FOXP2: variants seen among roughly 807,000 people sequenced by gnomAD.
The protein encoded by FOXP2 is forkhead box protein P2.
Under a neutral mutation model 115.8 loss-of-function variants are expected in FOXP2, and 12 were observed. That is an observed-to-expected ratio of 0.10 (90% CI 0.07 to 0.17). FOXP2 has a LOEUF of 0.17. Among genes scored for constraint, FOXP2 ranks in the 10% least tolerant of loss-of-function variants. The pLI, the probability that FOXP2 is intolerant of heterozygous loss-of-function variation, is 1.00. For missense variants in FOXP2, 629 were observed against 843.5 expected, an observed-to-expected ratio of 0.75 and a Z score of 3.15; for synonymous variants, 328 against 297.7, an observed-to-expected ratio of 1.10 and a Z score of -1.05.
At chr7:114,129,017 C>A (rs369112316) in intron 1 of FOXP2, among the ~76,000 whole-genome samples, 33 of 152,228 alleles carry the variant, frequency 2.2e-4, no homozygotes, top group East Asian at 1.7e-3. Context: ...ATCTGGCTGC[C>A]AGAACCTTTT....
chr7:114,262,509 T>C (rs552806288), intron 1 of FOXP2, among the ~76,000 whole-genome samples: 87 of 152,230 alleles, frequency 5.7e-4, no homozygotes, highest in Non-Finnish European at 9.4e-4. Context: ...CCTGCACATA[T>C]ACTTCCTGAA....
chr7:114,347,319 CAT>C (rs1791370832), intron 2 of FOXP2, among the ~76,000 whole-genome samples: 1 of 151,822 alleles, frequency 6.6e-6, no homozygotes, highest in Admixed American at 6.6e-5. Flanking sequence ...AATACGCACA[CAT>C]ATAGATACAT....
intron 2 of FOXP2, among the ~76,000 whole-genome samples, chr7:114,526,793 G>A (rs565744958): frequency 5.3e-5 from 8 of 151,958 alleles, no homozygotes; most frequent in Non-Finnish European, 1.0e-4. Context: ...CAACTTTATT[G>A]AGATATAATT....
At chr7:114,204,466 G>T (rs1159320240) in intron 1 of FOXP2, among the ~76,000 whole-genome samples, 1 of 152,134 alleles carries the variant, frequency 6.6e-6, no homozygotes, top group Non-Finnish European at 1.5e-5. Flanking sequence ...TAAGGAAGGG[G>T]TTTAACTCAC....
At position 114,553,558 on chromosome 7, in the gene FOXP2, C is replaced by G. The variant is rs146022171; in HGVS notation, c.258+18852C>G. 2.6e-3 allele frequency among the ~76,000 whole-genome samples: 389 copies of G among 152,172 alleles called. 2 individuals carry two copies. Among genetic ancestry groups the G allele is most frequent in the African/African-American group, 9.0e-3 (373 of 41,552 alleles). Reference sequence around the variant, plus strand: ...CTTTAGAAATCTATAACTTCATTTTCTTTTCACAATAGAAGATTAAAGAGA... The same window carrying G: ...CTTTAGAAATCTATAACTTCATTTTGTTTTCACAATAGAAGATTAAAGAGA... On this transcript the variant is annotated intron_variant, in intron 3 of 16. Transcript: ENST00000350908.
intron 3 of FOXP2, among the ~76,000 whole-genome samples, chr7:114,603,203 C>A (rs1803127771): frequency 6.6e-6 from 1 of 152,096 alleles, no homozygotes. Context: ...GGTGCAAAGA[C>A]ATCAGAGTTG....
intron 1 of FOXP2, among the ~76,000 whole-genome samples, chr7:114,266,295 C>T (rs1795892383): frequency 6.6e-6 from 1 of 152,098 alleles, no homozygotes; most frequent in Admixed American, 6.5e-5. Context: ...ACTCCTGGTG[C>T]CAATGTTCTC....
chr7:114,574,800 C>T (rs1262680208), intron 3 of FOXP2, among the ~76,000 whole-genome samples: 1 of 151,786 alleles, frequency 6.6e-6, no homozygotes, highest in East Asian at 1.9e-4. Context: ...ATTTTTAAAA[C>T]CTTTAGCATT....
intron 3 of FOXP2, among the ~76,000 whole-genome samples, chr7:114,590,519 A>G (rs1211091905): frequency 6.6e-6 from 1 of 152,076 alleles, no homozygotes; most frequent in African/African-American, 2.4e-5. Context: ...TTAACTTCCC[A>G]AGTCTGCTCC....
At chr7:114,663,861 CA>C (rs1807018858) in intron 15 of FOXP2, among the ~76,000 whole-genome samples, 1 of 151,990 alleles carries the variant, frequency 6.6e-6, no homozygotes. Flanking sequence ...GTGCTTGTGG[CA>C]AAAACTTTAA....
In FOXP2 at chr7:114,240,383, A is replaced by G. The variant is rs1795121620; in HGVS notation, c.-101-47636A>G. 2.0e-5 allele frequency among the ~76,000 whole-genome samples: 3 copies of G among 152,116 alleles called. No homozygotes were observed. In the South Asian group the frequency reaches 6.2e-4, roughly 31 times the overall value. On this transcript the variant is annotated intron_variant, in intron 1 of 17. Coordinates refer to the FOXP2 transcript ENST00000634411. The stretch of plus-strand genomic sequence containing the variant: ...AATATAATGGCCTGACATATTTTAT[A>G]TGTACAGATTTTAGATCAATATAGA...
At chr7:114,194,745 A>T (rs1409183739) in intron 1 of FOXP2, among the ~76,000 whole-genome samples, 1 of 152,112 alleles carries the variant, frequency 6.6e-6, no homozygotes, top group African/African-American at 2.4e-5. Flanking sequence ...TGTTAATTCT[A>T]ACTGTATACA....
At chr7:114,410,446 G>C (rs1009610227), upstream of FOXP2, among the ~76,000 whole-genome samples, 1 of 152,020 alleles carries the variant, frequency 6.6e-6, no homozygotes, top group Admixed American at 6.6e-5. Flanking sequence ...TTAAAATATG[G>C]GAGTCCCACT....
intron 1 of FOXP2, among the ~76,000 whole-genome samples, chr7:114,248,897 C>T (rs1043777783): frequency 3.3e-5 from 5 of 152,094 alleles, no homozygotes; most frequent in Non-Finnish European, 7.4e-5. Context: ...CACAGAAGGG[C>T]TAAGTGTTCT....
At chr7:114,445,202 C>T (rs1308359086) in intron 2 of FOXP2, among the ~76,000 whole-genome samples, 1 of 152,118 alleles carries the variant, frequency 6.6e-6, no homozygotes, top group Non-Finnish European at 1.5e-5. Flanking sequence ...CACTGCTGTA[C>T]TTTGGATTAT....
chr7:114,160,055 T>C (rs919806698), upstream of FOXP2, among the ~76,000 whole-genome samples: 2 of 152,182 alleles, frequency 1.3e-5, no homozygotes, highest in African/African-American at 4.8e-5. Flanking sequence ...GGCAGGACTT[T>C]CCGGGGATCT....
chr7:114,431,627 T>C (rs548613368), intron 2 of FOXP2, among the ~76,000 whole-genome samples: 2 of 152,050 alleles, frequency 1.3e-5, no homozygotes, highest in African/African-American at 4.8e-5. Flanking sequence ...CTGTGCATGA[T>C]CTCATTTATT....
At chr7:114,483,627 T>G (rs1796647500) in intron 2 of FOXP2, among the ~76,000 whole-genome samples, 1 of 151,754 alleles carries the variant, frequency 6.6e-6, no homozygotes, top group African/African-American at 2.4e-5. Context: ...TTGATGTTGC[T>G]ATCATTTTTT....
intron 2 of FOXP2, among the ~76,000 whole-genome samples, chr7:114,437,093 A>G (rs1393649756): frequency 6.6e-6 from 1 of 152,050 alleles, no homozygotes; most frequent in Non-Finnish European, 1.5e-5. Context: ...CCTTCAATTT[A>G]TTGACCTTTT....
Sources: gnomAD v4.1 joint callset for allele counts (sites outside exome capture counted in the v4.1 genomes callset) on GRCh38, gnomAD v4.1.1 for gene constraint, MANE v1.5 for transcripts, NCBI Gene and HGNC (gene_info 2026-07-23, HGNC 2026-07-21) for gene names.